The following OR52K1 variants were observed in gnomAD, a reference collection of about 807,000 sequenced individuals.
The protein encoded by OR52K1 is olfactory receptor 52K1.
A neutral mutation model predicts 8.7 loss-of-function variants in OR52K1; 10 were observed. The observed-to-expected ratio is 1.15, with a 90% CI of 0.71 to 1.95. The LOEUF (loss-of-function observed/expected upper bound fraction) is 1.95, where lower values mean the gene tolerates loss of function less well. Among genes scored for constraint, OR52K1 ranks in the 30% most tolerant of loss-of-function variants. The pLI, the probability that OR52K1 is intolerant of heterozygous loss-of-function variation, is 0.00. For synonymous variants in OR52K1, 203 were observed against 148.5 expected (o/e 1.37, Z -2.67); for missense variants, 431 against 397.2 (o/e 1.08, Z -0.72).
chr11:4,482,966 A>G lies in OR52K1; in HGVS notation c.-539A>G, dbSNP rs920423487. On this transcript the variant is annotated 5_prime_UTR_variant, in exon 1 of 2. Coordinates refer to ENST00000641528, the MANE Select transcript of OR52K1 (RefSeq NM_001005171.3). Reference sequence around the variant, plus strand: ...TACACAAACTCCAGATGCTCTCCCCACCACAGAGGATGCCTGCTTCCGTCC... The same window carrying G: ...TACACAAACTCCAGATGCTCTCCCCGCCACAGAGGATGCCTGCTTCCGTCC... 109 of 393,674 alleles carry G rather than the reference A, an allele frequency of 2.8e-4. No individual in the cohort carries two copies. In the East Asian group the frequency reaches 3.9e-3, roughly 14 times the overall value. 24.4% of individuals were successfully genotyped at this position (393,674 alleles called of 1,614,324 possible).
Position 4,489,404 on chromosome 11 carries a change from CCACTA to C in OR52K1, c.506_510del (p.His169LeufsTer12), listed in dbSNP as rs1186872983. 6.2e-7 allele frequency: 1 copy of C among 1,614,134 alleles called. No homozygotes were observed. The highest frequency in any genetic ancestry group is 2.2e-5 in the East Asian group (1 of 44,896). On this transcript the variant is annotated frameshift_variant, in exon 2 of 2. Coordinates refer to ENST00000641528, the MANE Select transcript of OR52K1 (RefSeq NM_001005171.3). LOFTEE classifies it high-confidence loss of function. The stretch of plus-strand genomic sequence containing the variant: ...CACTCCCCTTCCTGCTCAGACGCTT[CCACTA>C]CTGCCGAGGCCCAGTGATTGCCCAT...
At chr11:4,483,461 TC>T (rs1182432331) in intron 1 of OR52K1, among the ~76,000 whole-genome samples, 3 of 151,886 alleles carry the variant, frequency 2.0e-5, no homozygotes, top group African/African-American at 7.3e-5. Context: ...ACAGAGGAGG[TC>T]TTAGTTTCTG....
intron 1 of OR52K1, 41 bp downstream of exon 1, chr11:4,483,217 A>G: frequency 2.5e-6 from 1 of 398,620 alleles, no homozygotes; most frequent in Non-Finnish European, 4.4e-6. Context: ...TACCAGAAGC[A>G]GTCCTGAAGT....
Position 4,490,594 on chromosome 11 carries a change from A to C in OR52K1, c.*749A>C, listed in dbSNP as rs1440519143. 1 of 152,234 alleles carries C rather than the reference A, an allele frequency of 6.6e-6. No homozygotes were observed. Among genetic ancestry groups the C allele is most frequent in the East Asian group, 1.9e-4 (1 of 5,196 alleles). 9.4% of individuals were successfully genotyped at this position (152,234 alleles called of 1,614,324 possible). A position where few individuals can be genotyped will look rare whatever the true frequency, so the allele number is the denominator to read the frequency against. On this transcript the variant is annotated 3_prime_UTR_variant, in exon 2 of 2. Transcript: ENST00000641528. ...AGCTGAATACTATCTTTGAACTATG[A>C]ACCATGAAAAGAGAAATAACACCCT...
At chr11:4,486,051 C>A (rs1288036498) in intron 1 of OR52K1, among the ~76,000 whole-genome samples, 1 of 152,166 alleles carries the variant, frequency 6.6e-6, no homozygotes, top group Non-Finnish European at 1.5e-5. Context: ...TTCTCATGTC[C>A]TGTCATCTCC....
At chr11:4,485,207 C>T (rs928106205) in intron 1 of OR52K1, among the ~76,000 whole-genome samples, 1 of 152,122 alleles carries the variant, frequency 6.6e-6, no homozygotes, top group Non-Finnish European at 1.5e-5. Context: ...TAATAGTTTC[C>T]ACTGTCAGTT....
At chr11:4,485,859 T>A (rs1235008893) in intron 1 of OR52K1, among the ~76,000 whole-genome samples, 3 of 152,182 alleles carry the variant, frequency 2.0e-5, no homozygotes, top group African/African-American at 4.8e-5. Flanking sequence ...CCCTGTGTGA[T>A]TTGGCCCCAC....
At position 4,483,146 on chromosome 11, in the gene OR52K1, G is replaced by T. The variant is rs78071367; in HGVS notation, c.-359G>T. 1.8e-5 allele frequency: 7 copies of T among 398,586 alleles called. No homozygotes were observed. In the East Asian group the frequency reaches 2.5e-4, roughly 14 times the overall value. 24.7% of individuals were successfully genotyped at this position (398,586 alleles called of 1,614,324 possible). A position where few individuals can be genotyped will look rare whatever the true frequency, so the allele number is the denominator to read the frequency against. On this transcript the variant is annotated 5_prime_UTR_variant, in exon 1 of 2. Coordinates refer to ENST00000641528, the MANE Select transcript of OR52K1 (RefSeq NM_001005171.3). Reference sequence around the variant, plus strand: ...CTGCATTAGTCAAGAGGAAGAAAACGAGGCCTGAACTAGAAAGATGGCAGG... The same window carrying T: ...CTGCATTAGTCAAGAGGAAGAAAACTAGGCCTGAACTAGAAAGATGGCAGG...
At chr11:4,487,837 T>C (rs962523265) in intron 1 of OR52K1, among the ~76,000 whole-genome samples, 55 of 152,270 alleles carry the variant, frequency 3.6e-4, no homozygotes, top group African/African-American at 1.3e-3. Context: ...TATAAATATA[T>C]GTTTTATACA....
chr11:4,486,143 T>A (rs1221181617), intron 1 of OR52K1, among the ~76,000 whole-genome samples: 1 of 152,186 alleles, frequency 6.6e-6, no homozygotes, highest in Non-Finnish European at 1.5e-5. Context: ...GTATCCCACC[T>A]CCCACAGTTT....
chr11:4,483,473 G>T (rs1422702326), intron 1 of OR52K1, among the ~76,000 whole-genome samples: 1 of 152,158 alleles, frequency 6.6e-6, no homozygotes, highest in East Asian at 1.9e-4. Flanking sequence ...TTAGTTTCTG[G>T]ATATTAGGGG....
In OR52K1 at chr11:4,489,279, G is replaced by A. The variant is rs771712348; in HGVS notation, c.379G>A (p.Ala127Thr). 6.2e-7 allele frequency: 1 copy of A among 1,614,112 alleles called. No homozygotes were observed. The highest frequency in any genetic ancestry group is 8.5e-7 in the Non-Finnish European group (1 of 1,180,032). Residue 127 changes from alanine to threonine, a missense_variant, in exon 2 of 2, where the codon GCC (alanine) becomes ACC (threonine). By Grantham distance (58) the Ala-to-Thr change is moderately conservative. Coordinates refer to ENST00000641528, the MANE Select transcript of OR52K1 (RefSeq NM_001005171.3). ...LLAMAFDRYV[A>T]ICKPLHYTTV... is the part of the protein sequence containing the mutation. ...GGCCATGGCCTTTGACCGCTATGTG[G>A]CCATCTGCAAGCCATTGCACTACAC...
intron 1 of OR52K1, among the ~76,000 whole-genome samples, chr11:4,484,827 CACACAG>C (rs563690666): frequency 0.058 from 4,131 of 70,806 alleles, 83 homozygotes; most frequent in East Asian, 0.16. Context: ...TGTTCTAAAA[CACACAG>C]ACACACACAC....
rs1489756107 is a variant in OR52K1, at chr11:4,490,673, C to G, written c.*828C>G. On this transcript the variant is annotated 3_prime_UTR_variant, in exon 2 of 2. Coordinates refer to ENST00000641528, the MANE Select transcript of OR52K1 (RefSeq NM_001005171.3). ...TAAGAAAATACAATACTGTCACACACTGCATAATGAAGTTTTGGTCAGTAA... is the reference window on the plus strand; with the variant it reads ...TAAGAAAATACAATACTGTCACACAGTGCATAATGAAGTTTTGGTCAGTAA... 2.0e-5 allele frequency: 3 copies of G among 152,196 alleles called. No individual in the cohort carries two copies. The highest frequency in any genetic ancestry group is 4.4e-5 in the Non-Finnish European group (3 of 68,038). The allele number at this position is 152,196 out of a possible 1,614,324, so 9.4% of individuals were successfully genotyped here.
chr11:4,486,557 C>A (rs781032869), intron 1 of OR52K1, among the ~76,000 whole-genome samples: 2 of 152,302 alleles, frequency 1.3e-5, no homozygotes, highest in African/African-American at 4.8e-5. Flanking sequence ...GTATAATGAG[C>A]TTTTTATTTC....
rs1392871342 is a variant in OR52K1, at chr11:4,488,983, G to A, written c.83G>A (p.Trp28Ter). 3 of 1,614,142 alleles carry A rather than the reference G, an allele frequency of 1.9e-6. No individual in the cohort carries two copies. Among genetic ancestry groups the A allele is most frequent in the Admixed American group, 1.7e-5 (1 of 60,028 alleles). Residue 28 changes from tryptophan (W) to a stop codon, truncating the protein, a stop_gained, in exon 2 of 2, where the codon TGG (tryptophan) becomes TAG (stop). Coordinates refer to ENST00000641528, the MANE Select transcript of OR52K1 (RefSeq NM_001005171.3). LOFTEE classifies it high-confidence loss of function. The stretch of plus-strand genomic sequence containing the variant: ...CCTGGTTTGGAACACCTGCATGCCT[G>A]GATCTCCATCCCCTTCTGCTTTGCT... ...GIPGLEHLHA[W>*]ISIPFCFAYT...
rs1283048111 is a variant in OR52K1 at position 4,489,911 on chromosome 11, A to G, written c.*66A>G. On this transcript the variant is annotated 3_prime_UTR_variant, in exon 2 of 2. Transcript: ENST00000641528. ...AGAATGCTGGATTGGGGTTGAGGGGAAAAATCTAAATAGGAAAATTGCAGA... is the reference window on the plus strand; with the variant it reads ...AGAATGCTGGATTGGGGTTGAGGGGGAAAATCTAAATAGGAAAATTGCAGA... 2 of 1,144,990 alleles carry G rather than the reference A, an allele frequency of 1.7e-6. No individual in the cohort carries two copies. The highest frequency in any genetic ancestry group is 2.2e-5 in the Admixed American group (1 of 44,944). The allele number at this position is 1,144,990 out of a possible 1,614,324, so 70.9% of individuals were successfully genotyped here.
At position 4,486,050 on chromosome 11, in the gene OR52K1, C is replaced by T. The variant is rs190185118; in HGVS notation, c.-328-2523C>T. Among the ~76,000 whole-genome samples the T allele has an allele frequency of 1.7e-3, 259 of 152,302 alleles. 2 individuals carry two copies. Among genetic ancestry groups the T allele is most frequent in the African/African-American group, 5.9e-3 (245 of 41,548 alleles). ...CAAATCTATTATGGTCTTCTCATGT[C>T]CTGTCATCTCCCCTTTTTGTTGTAG... On this transcript the variant is annotated intron_variant, in intron 1 of 1. Coordinates refer to ENST00000641528, the MANE Select transcript of OR52K1 (RefSeq NM_001005171.3).
At position 4,489,865 on chromosome 11, in the gene OR52K1, T is replaced by G. The variant is rs1564833013; in HGVS notation, c.*20T>G. On this transcript the variant is annotated 3_prime_UTR_variant, in exon 2 of 2. Coordinates refer to ENST00000641528, the MANE Select transcript of OR52K1 (RefSeq NM_001005171.3). Reference sequence around the variant, plus strand: ...ATGTAGATGGATAGTTCTCTTTTTTTATCCCACTTGCCAAGTAATGAGAAT... The same window carrying G: ...ATGTAGATGGATAGTTCTCTTTTTTGATCCCACTTGCCAAGTAATGAGAAT... 1 of 1,514,234 alleles carries G rather than the reference T, an allele frequency of 6.6e-7. No homozygotes were observed. The highest frequency in any genetic ancestry group is 2.3e-5 in the East Asian group (1 of 44,184). The allele number at this position is 1,514,234 out of a possible 1,614,324, so 93.8% of individuals were successfully genotyped here. A position where few individuals can be genotyped will look rare whatever the true frequency, so the allele number is the denominator to read the frequency against.
Sources: gnomAD v4.1 joint callset for allele counts (sites outside exome capture counted in the v4.1 genomes callset) on GRCh38, gnomAD v4.1.1 for gene constraint, MANE v1.5 for transcripts, NCBI Gene and HGNC (gene_info 2026-07-23, HGNC 2026-07-21) for gene names.